Variants in IARS1 observed in about 807,000 individuals in gnomAD.
IARS1 encodes isoleucyl-tRNA synthetase 1.
A neutral mutation model predicts 168.2 loss-of-function variants in IARS1; 124 were observed. The observed-to-expected ratio is 0.74, with a 90% CI of 0.64 to 0.86. The LOEUF is 0.86. Ranked by LOEUF, IARS1 falls within the 40% of genes least tolerant of loss-of-function variation. The pLI is 0.00. For synonymous variants in IARS1, 532 were observed against 529.4 expected (o/e 1.00, Z -0.07); for missense variants, 1,452 against 1,515.8 (o/e 0.96, Z 0.70).
At chr9:92,283,688 C>T (rs866569260) in intron 6 of IARS1, among the ~76,000 whole-genome samples, 2 of 152,110 alleles carry the variant, frequency 1.3e-5, no homozygotes, top group Non-Finnish European at 2.9e-5. Context: ...GATAATTCCA[C>T]TACTTGTTAT....
chr9:92,242,024 C>A (rs934003289), intron 29 of IARS1, 130 bp downstream of exon 29: 26 of 718,008 alleles, frequency 3.6e-5, no homozygotes, highest in Non-Finnish European at 6.3e-5. Context: ...CCACTACTGT[C>A]CAGAGCAATA....
At chr9:92,246,140 G>C (rs912149776) in intron 26 of IARS1, among the ~76,000 whole-genome samples, 1 of 152,106 alleles carries the variant, frequency 6.6e-6, no homozygotes. Context: ...TTGAAGGCTC[G>C]TAACACTTTG....
intron 25 of IARS1, among the ~76,000 whole-genome samples, chr9:92,249,108 A>C (rs1829653898): frequency 1.3e-5 from 2 of 152,212 alleles, no homozygotes; most frequent in African/African-American, 4.8e-5. Context: ...ACAGTAATTA[A>C]ATAAATTATG....
rs138213055 is a variant in IARS1, at chr9:92,242,042, A to G, written c.3177+112T>C. On this transcript the variant is annotated intron_variant, in intron 29 of 33. Coordinates refer to ENST00000443024, the MANE Select transcript of IARS1 (RefSeq NM_002161.6). The stretch of plus-strand genomic sequence containing the variant: ...CTACTGTCCAGAGCAATACTTCAAG[A>G]CAGAGTGCTGTGCCGATCTCTACTG... 57 of 805,928 alleles carry G rather than the reference A, an allele frequency of 7.1e-5. No homozygotes were observed. In the African/African-American group the frequency reaches 9.1e-4, roughly 13 times the overall value. 49.9% of individuals were successfully genotyped at this position (805,928 alleles called of 1,614,324 possible). A position where few individuals can be genotyped will look rare whatever the true frequency, so the allele number is the denominator to read the frequency against.
chr9:92,272,385 C>A (rs1362809185), intron 10 of IARS1, among the ~76,000 whole-genome samples: 1 of 152,208 alleles, frequency 6.6e-6, no homozygotes, highest in Non-Finnish European at 1.5e-5. Context: ...ATTTGAACCA[C>A]TGAGTGTGGA....
chr9:92,263,284 T>C (rs1831796572), intron 16 of IARS1, among the ~76,000 whole-genome samples: 1 of 152,196 alleles, frequency 6.6e-6, no homozygotes, highest in African/African-American at 2.4e-5. Context: ...CATTTCTCTG[T>C]TACCAGAGCT....
intron 33 of IARS1, among the ~76,000 whole-genome samples, chr9:92,215,963 A>G (rs1456708780): frequency 1.3e-5 from 2 of 150,926 alleles, no homozygotes; most frequent in Admixed American, 6.6e-5. Flanking sequence ...TCCAAGACAC[A>G]TAATTGTCAG....
chr9:92,227,285 A>T (rs1825857907), intron 31 of IARS1, among the ~76,000 whole-genome samples: 1 of 150,584 alleles, frequency 6.6e-6, no homozygotes, highest in Non-Finnish European at 1.5e-5. Flanking sequence ...CAAAACCGCC[A>T]TTGTCATCAT....
chr9:92,286,676 A>C, intron 4 of IARS1, 58 bp from the exon 5 acceptor site: 1 of 937,888 alleles, frequency 1.1e-6, no homozygotes, highest in Non-Finnish European at 1.7e-6. Context: ...TTGTACATCA[A>C]TGTGTGTTTA....
chr9:92,236,309 A>G (rs1463569471), intron 30 of IARS1, among the ~76,000 whole-genome samples: 1 of 152,160 alleles, frequency 6.6e-6, no homozygotes, highest in Non-Finnish European at 1.5e-5. Context: ...TACTGTCTTT[A>G]TCTGGTTTTG....
Position 92,268,389 on chromosome 9 carries a change from C to T in IARS1, c.1305-89G>A, listed in dbSNP as rs1045092953. The T allele has an allele frequency of 1.8e-5, 24 of 1,311,804 alleles. No individual in the cohort carries two copies. In the African/African-American group the frequency reaches 3.2e-4, roughly 17 times the overall value. 81.3% of individuals were successfully genotyped at this position (1,311,804 alleles called of 1,614,324 possible). On this transcript the variant is annotated intron_variant, in intron 13 of 33. Coordinates refer to ENST00000443024, the MANE Select transcript of IARS1 (RefSeq NM_002161.6). ...TACCCACAGGAGCCTTTGTATAACG[C>T]TTTGTGGACCAAACACTCTGGAAAC...
rs1192945536 is a variant in IARS1, at chr9:92,229,042, C to T, written c.3368G>A (p.Gly1123Asp). 6.2e-7 allele frequency: 1 copy of T among 1,613,922 alleles called. No individual in the cohort carries two copies. The highest frequency in any genetic ancestry group is 1.3e-5 in the African/African-American group (1 of 74,868). The change falls in exon 31 of 34, where the codon GGT becomes GAT. Residue 1123 changes from glycine to aspartate, a missense_variant. Transcript: ENST00000443024. Reference protein sequence around the residue: ...KLKSVVTSIFGVKNTELAVFH... With the variant: ...KLKSVVTSIFDVKNTELAVFH... ...GACAGCCAGCTCTGTATTTTTCACACCAAAAATGCTAGTGACAACACTCTT... is the reference window on the plus strand; with the variant it reads ...GACAGCCAGCTCTGTATTTTTCACATCAAAAATGCTAGTGACAACACTCTT...
At chr9:92,230,448 T>C (rs1826490370) in intron 30 of IARS1, among the ~76,000 whole-genome samples, 1 of 152,188 alleles carries the variant, frequency 6.6e-6, no homozygotes, top group Non-Finnish European at 1.5e-5. Context: ...TAAAATAAGT[T>C]ACTGTGCTGA....
At chr9:92,264,901 C>A in intron 16 of IARS1, 28 bp downstream of exon 16, 1 of 1,576,492 alleles carries the variant, frequency 6.3e-7, no homozygotes, top group Admixed American at 1.8e-5. Flanking sequence ...ATCAATAAAA[C>A]ACGTGATGAA....
chr9:92,279,953 C>A (rs531997668), intron 7 of IARS1, among the ~76,000 whole-genome samples: 1 of 152,318 alleles, frequency 6.6e-6, no homozygotes, highest in African/African-American at 2.4e-5. Context: ...TCATTCAAGG[C>A]ATAGCCTGTA....
At chr9:92,285,043 A>G (rs184196486) in intron 6 of IARS1, among the ~76,000 whole-genome samples, 88 of 152,336 alleles carry the variant, frequency 5.8e-4, no homozygotes, top group African/African-American at 2.0e-3. Flanking sequence ...TTACTAATGT[A>G]ATTTTCAAAC....
At chr9:92,286,660 T>G (rs1461412518) in intron 4 of IARS1, 42 bp from the exon 5 acceptor site, 1 of 1,079,544 alleles carries the variant, frequency 9.3e-7, no homozygotes, top group Non-Finnish European at 1.4e-6. Flanking sequence ...ACAATGATAT[T>G]TATAATTGTA....
chr9:92,284,631 G>A (rs925873305), intron 6 of IARS1, among the ~76,000 whole-genome samples: 1 of 152,046 alleles, frequency 6.6e-6, no homozygotes, highest in African/African-American at 2.4e-5. Flanking sequence ...CTAAAAATGC[G>A]TGGTGGTGGG....
chr9:92,215,889 A>G (rs1483255690), intron 33 of IARS1, among the ~76,000 whole-genome samples: 1 of 152,178 alleles, frequency 6.6e-6, no homozygotes, highest in Non-Finnish European at 1.5e-5. Context: ...CTAGCGAGGC[A>G]GGCCAACGTT....
Sources: gnomAD v4.1 joint callset for allele counts (sites outside exome capture counted in the v4.1 genomes callset) on GRCh38, gnomAD v4.1.1 for gene constraint, MANE v1.5 for transcripts, NCBI Gene and HGNC (gene_info 2026-07-23, HGNC 2026-07-21) for gene names.